Variants in MYO18B observed in about 807,000 individuals in gnomAD.
The protein encoded by MYO18B is unconventional myosin-XVIIIb.
MYO18B carries 204 observed loss-of-function variants against 273.0 expected under a neutral mutation model. The observed-to-expected ratio is 0.75, with a 90% CI of 0.67 to 0.84. MYO18B has a LOEUF of 0.84. Ranked by LOEUF, MYO18B falls within the 40% of genes least tolerant of loss-of-function variation. MYO18B has a pLI of 0.00. For synonymous variants in MYO18B, 1,330 were observed against 1,305.7 expected (o/e 1.02, Z -0.40); for missense variants, 3,212 against 3,287.6 (o/e 0.98, Z 0.56).
rs1312541053 is a variant in MYO18B, at chr22:25,891,361, G to A, written c.4492G>A (p.Ala1498Thr). The A allele has an allele frequency of 1.3e-6, 2 of 1,586,256 alleles. No individual in the cohort carries two copies. The highest frequency in any genetic ancestry group is 2.3e-5 in the East Asian group (1 of 43,628). Reference sequence around the variant, plus strand: ...AGATGTGAATAAACAGTTGGAAGAAGCCCAGCAGAAAATTCAGTTGAATGA... The same window carrying A: ...AGATGTGAATAAACAGTTGGAAGAAACCCAGCAGAAAATTCAGTTGAATGA... ...LGDVNKQLEE[A>T]QQKIQLNDLE... The change falls in exon 27 of 44, where the codon GCC becomes ACC. Residue 1498 changes from alanine (A) to threonine (T), a missense_variant. By Grantham distance (58) the Ala-to-Thr change is moderately conservative (BLOSUM62 0). Transcript: ENST00000335473.
chr22:25,950,907 A>G (rs1046903184), intron 37 of MYO18B, among the ~76,000 whole-genome samples: 8 of 152,188 alleles, frequency 5.3e-5, no homozygotes, highest in Non-Finnish European at 1.2e-4. Flanking sequence ...CATGACCACA[A>G]GGTCCCACAA....
chr22:26,052,232 T>C, the MYO18B span, among the ~76,000 whole-genome samples: 1 of 152,172 alleles, frequency 6.6e-6, no homozygotes, highest in South Asian at 2.1e-4. Flanking sequence ...TTTTTAGGGA[T>C]TAAAGGCACA....
chr22:26,001,136 G>A (rs1012947388), intron 40 of MYO18B, among the ~76,000 whole-genome samples: 12 of 152,066 alleles, frequency 7.9e-5, no homozygotes, highest in African/African-American at 2.9e-4. Flanking sequence ...GTAGTTAGCA[G>A]TGCAGTGTTG....
At chr22:25,867,775 G>C (rs373242755) in intron 21 of MYO18B, among the ~76,000 whole-genome samples, 1 of 152,024 alleles carries the variant, frequency 6.6e-6, no homozygotes, top group African/African-American at 2.4e-5. Context: ...GACTACAGGC[G>C]CCCGCCACCA....
intron 40 of MYO18B, among the ~76,000 whole-genome samples, chr22:26,000,889 A>C (rs1933891511): frequency 6.6e-6 from 1 of 152,190 alleles, no homozygotes; most frequent in Non-Finnish European, 1.5e-5. Context: ...GTTTAGTGAA[A>C]CAGGTTCATG....
intron 15 of MYO18B, among the ~76,000 whole-genome samples, chr22:25,832,684 G>C (rs990870911): frequency 6.6e-6 from 1 of 152,142 alleles, no homozygotes; most frequent in African/African-American, 2.4e-5. Flanking sequence ...GGAGATGGTT[G>C]GTGGTGATGG....
downstream of MYO18B, among the ~76,000 whole-genome samples, chr22:26,032,886 T>C (rs138300105): frequency 6.4e-4 from 98 of 152,254 alleles, no homozygotes; most frequent in African/African-American, 2.4e-3. Flanking sequence ...GTTTTAGGGG[T>C]TCACAATTCA....
At chr22:25,942,003 G>A (rs1160259282) in intron 34 of MYO18B, among the ~76,000 whole-genome samples, 2 of 152,232 alleles carry the variant, frequency 1.3e-5, no homozygotes, top group Non-Finnish European at 2.9e-5. Flanking sequence ...AGGGATGAAA[G>A]GAGCTCACAA....
intron 11 of MYO18B, among the ~76,000 whole-genome samples, chr22:25,790,368 G>A (rs1292321333): frequency 2.6e-5 from 4 of 152,312 alleles, no homozygotes; most frequent in Admixed American, 1.3e-4. Flanking sequence ...GTGGTTCTTA[G>A]TGATAAGGTG....
intron 43 of MYO18B, among the ~76,000 whole-genome samples, chr22:26,028,185 C>T (rs1055231243): frequency 2.8e-5 from 4 of 145,222 alleles, no homozygotes; most frequent in Non-Finnish European, 6.0e-5. Flanking sequence ...GCAGAGGTTG[C>T]AGTGAGCTGA....
chr22:26,050,651 G>A, the MYO18B span, among the ~76,000 whole-genome samples: 1 of 152,100 alleles, frequency 6.6e-6, no homozygotes, highest in Non-Finnish European at 1.5e-5. Context: ...GCTACGTCCC[G>A]GTTCTTGGTA....
intron 39 of MYO18B, among the ~76,000 whole-genome samples, chr22:25,989,629 A>C (rs12484879): frequency 1.0e-4 from 4 of 39,978 alleles, no homozygotes; most frequent in South Asian, 8.4e-4. Flanking sequence ...AAAAATACAA[A>C]AAAAAAAAAA....
chr22:25,870,830 C>G (rs755295627), intron 22 of MYO18B, among the ~76,000 whole-genome samples: 2 of 152,110 alleles, frequency 1.3e-5, no homozygotes, highest in Non-Finnish European at 2.9e-5. Context: ...GTCTGAGAAC[C>G]ACTGGTCTAG....
At chr22:25,822,379 A>G (rs2089315580) in intron 12 of MYO18B, among the ~76,000 whole-genome samples, 2 of 152,194 alleles carry the variant, frequency 1.3e-5, no homozygotes, top group African/African-American at 4.8e-5. Flanking sequence ...ACCCTGCTTT[A>G]GTTTCTGTTT....
Position 25,780,083 on chromosome 22 carries a change from T to C in MYO18B, c.2096T>C (p.Val699Ala), listed in dbSNP as rs1443988142. 2 of 1,596,974 alleles carry C rather than the reference T, an allele frequency of 1.3e-6. No homozygotes were observed. Among genetic ancestry groups the C allele is most frequent in the East Asian group, 2.3e-5 (1 of 44,134 alleles). The change falls in exon 9 of 44, where the codon GTC becomes GCC. Residue 699 changes from valine to alanine, a missense_variant. By Grantham distance (64) the Val-to-Ala change is moderately conservative. Coordinates refer to ENST00000335473, the MANE Select transcript of MYO18B (RefSeq NM_032608.7). Reference sequence around the variant, plus strand: ...GAGAAGATCCGAGCCACCTTCACTGTCCTCCGGGCCTTCGGCTCTGTGTCC... The same window carrying C: ...GAGAAGATCCGAGCCACCTTCACTGCCCTCCGGGCCTTCGGCTCTGTGTCC... Reference protein sequence around the residue: ...SVEKIRATFTVLRAFGSVSMA... With the variant: ...SVEKIRATFTALRAFGSVSMA...
chr22:25,788,587 G>C (rs1314575694), intron 11 of MYO18B, among the ~76,000 whole-genome samples: 1 of 152,148 alleles, frequency 6.6e-6, no homozygotes, highest in Non-Finnish European at 1.5e-5. Flanking sequence ...ACCAAATATT[G>C]TGGGGGACAT....
At chr22:25,842,370 C>G (rs1426590752) in intron 17 of MYO18B, among the ~76,000 whole-genome samples, 2 of 152,108 alleles carry the variant, frequency 1.3e-5, no homozygotes, top group Non-Finnish European at 2.9e-5. Context: ...TCTGACCACT[C>G]TTAATAGGAA....
rs1004396886 is a variant in MYO18B, at chr22:25,873,285, C to T, written c.3952-1001C>T. Among the ~76,000 whole-genome samples, 5 of 152,260 alleles carry T rather than the reference C, an allele frequency of 3.3e-5. No individual in the cohort carries two copies. In the South Asian group the frequency reaches 8.3e-4, roughly 25 times the overall value. ...GCCATCATCCATTATTGATGAGTTA[C>T]GGTCTGGAAATCGTGTACCGAGAGC... On this transcript the variant is annotated intron_variant, in intron 22 of 43. Coordinates refer to ENST00000335473, the MANE Select transcript of MYO18B (RefSeq NM_032608.7).
chr22:25,750,512 C>T (rs1288962055), intron 1 of MYO18B, among the ~76,000 whole-genome samples: 1 of 152,180 alleles, frequency 6.6e-6, no homozygotes, highest in Non-Finnish European at 1.5e-5. Flanking sequence ...AACCAGGTGT[C>T]AGGCAGTCAG....
Sources: gnomAD v4.1 joint callset for allele counts (sites outside exome capture counted in the v4.1 genomes callset) on GRCh38, gnomAD v4.1.1 for gene constraint, MANE v1.5 for transcripts, NCBI Gene and HGNC (gene_info 2026-07-23, HGNC 2026-07-21) for gene names.